The following NCOA7 variants were observed in gnomAD, a reference collection of about 807,000 sequenced individuals.
The protein encoded by NCOA7 is 140 kDa estrogen receptor-associated protein.
In NCOA7, 45 loss-of-function variants were observed where a neutral mutation model predicts 104.3. The observed-to-expected ratio is 0.43, with a 90% CI of 0.34 to 0.55. The LOEUF is 0.55. Ranked by LOEUF, NCOA7 falls within the 20% of genes least tolerant of loss-of-function variation. NCOA7 has a pLI of 0.02. For synonymous variants in NCOA7, 398 were observed against 402.3 expected (o/e 0.99, Z 0.13); for missense variants, 1,041 against 1,119.7 (o/e 0.93, Z 1.00).
At chr6:125,857,504 T>C (rs1263934138) in intron 3 of NCOA7, among the ~76,000 whole-genome samples, 1 of 151,964 alleles carries the variant, frequency 6.6e-6, no homozygotes, top group Non-Finnish European at 1.5e-5. Flanking sequence ...GCTTCTAGTC[T>C]CGAGCAGTCT....
At chr6:125,866,826 C>T (rs546156127) in intron 3 of NCOA7, among the ~76,000 whole-genome samples, 16 of 152,238 alleles carry the variant, frequency 1.1e-4, no homozygotes, top group African/African-American at 3.9e-4. Context: ...GTTTCAACAT[C>T]ATTAGAGTGT....
chr6:125,834,339 T>G (rs1779432773), intron 2 of NCOA7, among the ~76,000 whole-genome samples: 1 of 152,208 alleles, frequency 6.6e-6, no homozygotes, highest in Admixed American at 6.5e-5. Context: ...CTTTAAAGTT[T>G]GATTAAAAAA....
chr6:125,806,744 A>G (rs751016470), intron 1 of NCOA7, among the ~76,000 whole-genome samples: 2 of 152,184 alleles, frequency 1.3e-5, no homozygotes, highest in African/African-American at 2.4e-5. Flanking sequence ...CTGTAGGAGC[A>G]ATATGAATCT....
intron 1 of NCOA7, among the ~76,000 whole-genome samples, chr6:125,797,398 A>G (rs753424582): frequency 6.6e-6 from 1 of 152,202 alleles, no homozygotes; most frequent in Admixed American, 6.5e-5. Context: ...GATTTAGAAA[A>G]TAAGAGTTTA....
intron 5 of NCOA7, among the ~76,000 whole-genome samples, chr6:125,878,590 G>A (rs1008567554): frequency 3.9e-5 from 6 of 151,974 alleles, no homozygotes; most frequent in Admixed American, 3.3e-4. Context: ...GCTCACTGCA[G>A]CCTCAATCCC....
upstream of NCOA7, among the ~76,000 whole-genome samples, chr6:125,788,698 ATTTTT>A (rs60048395): frequency 1.6e-5 from 2 of 121,916 alleles, no homozygotes; most frequent in Non-Finnish European, 3.3e-5. Context: ...CACCCAGCTA[ATTTTT>A]TTTTTTTTTT....
At chr6:125,814,164 T>C (rs1397953114) in intron 1 of NCOA7, among the ~76,000 whole-genome samples, 1 of 151,514 alleles carries the variant, frequency 6.6e-6, no homozygotes, top group East Asian at 1.9e-4. Context: ...TATTTACTAA[T>C]TTTTTTTTGA....
chr6:125,901,751 C>T (rs1429090408), intron 10 of NCOA7, among the ~76,000 whole-genome samples: 4 of 152,106 alleles, frequency 2.6e-5, no homozygotes, highest in Non-Finnish European at 4.4e-5. Flanking sequence ...TCTTGGTACC[C>T]GGGTTCTTGT....
chr6:125,879,614 A>G (rs1783653652), intron 5 of NCOA7, among the ~76,000 whole-genome samples: 1 of 152,218 alleles, frequency 6.6e-6, no homozygotes, highest in Admixed American at 6.5e-5. Context: ...CTGGAAAGAT[A>G]GGAGACAGTG....
intron 1 of NCOA7, among the ~76,000 whole-genome samples, chr6:125,797,085 C>A (rs1314685729): frequency 6.6e-6 from 1 of 152,164 alleles, no homozygotes; most frequent in Non-Finnish European, 1.5e-5. Flanking sequence ...TTATTCCTCC[C>A]ACTCTAGTTT....
chr6:125,871,998 G>GAAA (rs530879162), intron 3 of NCOA7, among the ~76,000 whole-genome samples: 2 of 89,754 alleles, frequency 2.2e-5, no homozygotes, highest in Non-Finnish European at 4.7e-5. Flanking sequence ...CCCTGTCTCA[G>GAAA]AAAAAAAAAA....
At chr6:125,902,120 A>T (rs1206565416) in intron 10 of NCOA7, among the ~76,000 whole-genome samples, 1 of 151,964 alleles carries the variant, frequency 6.6e-6, no homozygotes, top group African/African-American at 2.4e-5. Flanking sequence ...TGGGGGGAAA[A>T]ACGGGGATGT....
chr6:125,833,967 TA>T (rs1201638836), intron 2 of NCOA7, among the ~76,000 whole-genome samples: 3 of 152,182 alleles, frequency 2.0e-5, no homozygotes, highest in African/African-American at 7.2e-5. Flanking sequence ...GAAATAATAA[TA>T]GAATTTAAAA....
intron 1 of NCOA7, among the ~76,000 whole-genome samples, chr6:125,801,511 G>A (rs1775884624): frequency 6.6e-6 from 1 of 152,160 alleles, no homozygotes; most frequent in South Asian, 2.1e-4. Context: ...TAGTTTCTTA[G>A]GGGAGCCATG....
intron 3 of NCOA7, among the ~76,000 whole-genome samples, chr6:125,858,627 GAA>G (rs111365716): frequency 7.4e-6 from 1 of 135,628 alleles, no homozygotes. Context: ...CACTGTCTCT[GAA>G]AAAAAAAAAA....
At chr6:125,894,217 C>A (rs1784828709) in intron 10 of NCOA7, among the ~76,000 whole-genome samples, 1 of 152,082 alleles carries the variant, frequency 6.6e-6, no homozygotes, top group African/African-American at 2.4e-5. Context: ...TGGCCTCTTC[C>A]CACTATCTGC....
intron 3 of NCOA7, among the ~76,000 whole-genome samples, chr6:125,870,633 C>G (rs1782810797): frequency 6.6e-6 from 1 of 152,238 alleles, no homozygotes; most frequent in South Asian, 2.1e-4. Context: ...ATCTTCACAT[C>G]TGGCTGTCAT....
chr6:125,793,066 A>C (rs141625975), intron 1 of NCOA7, among the ~76,000 whole-genome samples: 74 of 152,252 alleles, frequency 4.9e-4, no homozygotes, highest in African/African-American at 1.7e-3. Flanking sequence ...CAACCTACTT[A>C]TTTTCTTCCT....
In NCOA7 at chr6:125,922,892, A is replaced by T. The variant is rs964309107; in HGVS notation, c.2523+58A>T. 6 of 1,530,996 alleles carry T rather than the reference A, an allele frequency of 3.9e-6. No homozygotes were observed. The Admixed American group carries it at 5.5e-5, about 14-fold the overall frequency. 94.8% of individuals were successfully genotyped at this position (1,530,996 alleles called of 1,614,324 possible). On this transcript the variant is annotated intron_variant, in intron 13 of 15. Coordinates refer to ENST00000392477, the MANE Select transcript of NCOA7 (RefSeq NM_181782.5). ...TTAATAATTTTTCAAAATTCCCAAC[A>T]GTAGAGAGACTAGTACCATATACTT...
Sources: allele counts gnomAD v4.1 joint callset (sites outside exome capture counted in the v4.1 genomes callset), GRCh38; gene constraint gnomAD v4.1.1; transcripts MANE v1.5; gene names NCBI Gene and HGNC (gene_info 2026-07-23, HGNC 2026-07-21).